SYCN: variants seen among roughly 807,000 people sequenced by gnomAD.
SYCN encodes insulin synthesis associated 1.
A neutral mutation model predicts 12.6 loss-of-function variants in SYCN; 16 were observed. That is an observed-to-expected ratio of 1.27 (90% CI 0.86 to 1.92). The LOEUF (loss-of-function observed/expected upper bound fraction) is 1.92, where lower values mean the gene tolerates loss of function less well. SYCN is among the 30% of genes most tolerant of loss of function. SYCN has a pLI of 0.00. For synonymous variants in SYCN, 97 were observed against 88.4 expected (o/e 1.10, Z -0.55); for missense variants, 226 against 181.8 (o/e 1.24, Z -1.40).
Position 39,203,003 on chromosome 19 carries a change from T to C in SYCN, c.396-7A>G. ...AGCAATGCATCAGCTGCACCTGAAATGTAATCAAGAATTCCTTCCAGGGGC... is the reference window on the plus strand; with the variant it reads ...AGCAATGCATCAGCTGCACCTGAAACGTAATCAAGAATTCCTTCCAGGGGC... On this transcript the variant is annotated splice_region_variant and splice_polypyrimidine_tract_variant and intron_variant, in intron 1 of 1. Coordinates refer to ENST00000318438, the MANE Select transcript of SYCN (RefSeq NM_001080468.4). 1 of 1,573,424 alleles carries C rather than the reference T, an allele frequency of 6.4e-7. No homozygotes were observed. The highest frequency in any genetic ancestry group is 8.6e-7 in the Non-Finnish European group (1 of 1,159,902).
rs2074798496 is a variant in SYCN at position 39,203,866 on chromosome 19, T to C, written c.389A>G (p.Tyr130Cys). 1.3e-6 allele frequency: 2 copies of C among 1,589,920 alleles called. No homozygotes were observed. The highest frequency in any genetic ancestry group is 1.3e-5 in the African/African-American group (1 of 74,556). ...GDWSNAISAL[Y>C]CRCS The stretch of plus-strand genomic sequence containing the variant: ...GCTTTGGGCGGCCGGGCACCTGCAG[T>C]AGAGCGCGGAGATAGCGTTGGACCA... Residue 130 changes from tyrosine (Y) to cysteine (C), a missense_variant, in exon 1 of 2, where the codon TAC becomes TGC. By Grantham distance (194) the Tyr-to-Cys change is radical (BLOSUM62 -2). Transcript: ENST00000318438.
At position 39,204,172 on chromosome 19, in the gene SYCN, T is replaced by C. The variant is rs966126045; in HGVS notation, c.83A>G (p.Asp28Gly). 1.2e-6 allele frequency: 2 copies of C among 1,611,966 alleles called. No individual in the cohort carries two copies. Among genetic ancestry groups the C allele is most frequent in the African/African-American group, 2.7e-5 (2 of 75,010 alleles). ...CAQGACPASA[D>G]LKHSDGTRTC... is the part of the protein sequence containing the mutation. ...GCGCGTCCCGTCCGAGTGCTTGAGG[T>C]CGGCGGAGGCGGGGCAGGCGCCCTG... The change falls in exon 1 of 2, where the codon GAC (aspartate) becomes GGC (glycine). Residue 28 changes from aspartate (D) to glycine (G), a missense_variant. By Grantham distance (94) the Asp-to-Gly change is moderately conservative. Coordinates refer to ENST00000318438, the MANE Select transcript of SYCN (RefSeq NM_001080468.4).
chr19:39,203,790 G>T lies in SYCN; in HGVS notation c.395+70C>A. The T allele has an allele frequency of 2.7e-6, 4 of 1,485,300 alleles. No individual in the cohort carries two copies. The East Asian group carries it at 9.4e-5, about 35-fold the overall frequency. The allele number at this position is 1,485,300 out of a possible 1,614,324, so 92.0% of individuals were successfully genotyped here. A position where few individuals can be genotyped will look rare whatever the true frequency, so the allele number is the denominator to read the frequency against. ...GGAGCAGCCTCGGGGCTTGGGTGGT[G>T]GGTGTGGGGGCTTATGCGGAGCTGG... On this transcript the variant is annotated intron_variant, in intron 1 of 1. Coordinates refer to ENST00000318438, the MANE Select transcript of SYCN (RefSeq NM_001080468.4).
In SYCN at chr19:39,202,908, C is replaced by T; in HGVS notation, c.*79G>A. The T allele has an allele frequency of 6.5e-7, 1 of 1,536,964 alleles. No individual in the cohort carries two copies. The highest frequency in any genetic ancestry group is 8.8e-7 in the Non-Finnish European group (1 of 1,139,706). On this transcript the variant is annotated 3_prime_UTR_variant, in exon 2 of 2. Coordinates refer to ENST00000318438, the MANE Select transcript of SYCN (RefSeq NM_001080468.4). ...CGCTCCTCCTCCTGGGTCTTGGGGC[C>T]CCGGAGCAGAGCCCAGGGATGGGCT...
In SYCN at chr19:39,203,912, G is replaced by T. The variant is rs2074798905; in HGVS notation, c.343C>A (p.Arg115Ser). The T allele has an allele frequency of 3.1e-6, 5 of 1,611,872 alleles. No individual in the cohort carries two copies. The highest frequency in any genetic ancestry group is 1.7e-5 in the Admixed American group (1 of 59,746). ...AGTYPRLEEYRRGILGDWSNA... is the reference protein window; with the variant it reads ...AGTYPRLEEYSRGILGDWSNA... ...GACCAGTCTCCTAAGATGCCCCGGC[G>T]GTACTCCTCCAGGCGCGGGTAGGTG... Residue 115 changes from arginine to serine, a missense_variant, in exon 1 of 2, where the codon CGC becomes AGC. Physicochemically the swap from Arg to Ser is moderately radical, Grantham distance 110. Transcript: ENST00000318438.
chr19:39,203,751 G>A, intron 1 of SYCN, 109 bp downstream of exon 1: 2 of 1,302,570 alleles, frequency 1.5e-6, no homozygotes, highest in Admixed American at 2.9e-5. Context: ...TTACAGTCGG[G>A]AGCTCAGGGG....
chr19:39,204,073 T>G lies in SYCN; in HGVS notation c.182A>C (p.Glu61Ala). The part of the protein sequence containing the change: ...NCCGGAELSL[E>A]SGADLPYLPS... ...CAGGTAGGGCAGGTCTGCGCCCGAC[T>G]CCAGCGACAGCTCGGCGCCCCCGCA... Residue 61 changes from glutamate (E) to alanine (A), a missense_variant, in exon 1 of 2, where the codon GAG becomes GCG. Physicochemically the swap from Glu to Ala is moderately radical, Grantham distance 107 (BLOSUM62 -1). Coordinates refer to ENST00000318438, the MANE Select transcript of SYCN (RefSeq NM_001080468.4). 6.2e-7 allele frequency: 1 copy of G among 1,612,988 alleles called. No individual in the cohort carries two copies. The highest frequency in any genetic ancestry group is 1.1e-5 in the South Asian group (1 of 91,052).
chr19:39,203,104 C>T, intron 1 of SYCN, 108 bp from the exon 2 acceptor site: 1 of 1,195,628 alleles, frequency 8.4e-7, no homozygotes, highest in Non-Finnish European at 1.2e-6. Flanking sequence ...GTCTGAGGCT[C>T]CAAGTTCAGG....
intron 1 of SYCN, among the ~76,000 whole-genome samples, chr19:39,203,507 C>A (rs796446268): frequency 8.5e-5 from 13 of 152,060 alleles, no homozygotes; most frequent in African/African-American, 3.1e-4. Flanking sequence ...CCAGAATTAG[C>A]CAGCCCTCTC....
At chr19:39,203,785 G>C (rs1049394679) in intron 1 of SYCN, 75 bp downstream of exon 1, 1 of 1,477,342 alleles carries the variant, frequency 6.8e-7, no homozygotes, top group African/African-American at 1.4e-5. Context: ...CGGGGCTTGG[G>C]TGGTGGGTGT....
intron 1 of SYCN, 132 bp downstream of exon 1, chr19:39,203,728 C>A: frequency 8.9e-7 from 1 of 1,124,344 alleles, no homozygotes; most frequent in Non-Finnish European, 1.2e-6. Context: ...CTAGGGAGGC[C>A]TGGTGCTCCC....
At chr19:39,203,732 TG>T in intron 1 of SYCN, 127 bp downstream of exon 1, 1 of 1,140,578 alleles carries the variant, frequency 8.8e-7, no homozygotes, top group Non-Finnish European at 1.2e-6. Context: ...GGAGGCCTGG[TG>T]CTCCCTGTTA....
chr19:39,202,839 C>A lies in SYCN; in HGVS notation c.*148G>T. Reference sequence around the variant, plus strand: ...AGCAGATGACAGACGGGGACAACTGCACAAAGGCTGTATTGCAGGGGAGGT... The same window carrying A: ...AGCAGATGACAGACGGGGACAACTGAACAAAGGCTGTATTGCAGGGGAGGT... On this transcript the variant is annotated 3_prime_UTR_variant, in exon 2 of 2. Transcript: ENST00000318438. 1.3e-6 allele frequency: 1 copy of A among 789,636 alleles called. No homozygotes were observed. The highest frequency in any genetic ancestry group is 1.6e-5 in the South Asian group (1 of 62,554). The allele number at this position is 789,636 out of a possible 1,614,324, so 48.9% of individuals were successfully genotyped here.
intron 1 of SYCN, 73 bp from the exon 2 acceptor site, chr19:39,203,069 A>T (rs1162530726): frequency 1.3e-6 from 2 of 1,501,326 alleles, no homozygotes; most frequent in East Asian, 2.5e-5. Flanking sequence ...GAAGCCTGAG[A>T]CTGGGTGGGG....
chr19:39,203,748 C>T lies in SYCN; in HGVS notation c.395+112G>A, dbSNP rs1384503703. 7.9e-6 allele frequency: 10 copies of T among 1,271,372 alleles called. No individual in the cohort carries two copies. The Admixed American group carries it at 1.8e-4, about 23-fold the overall frequency. The allele number at this position is 1,271,372 out of a possible 1,614,324, so 78.8% of individuals were successfully genotyped here. A position where few individuals can be genotyped will look rare whatever the true frequency, so the allele number is the denominator to read the frequency against. ...GAGGCCTGGTGCTCCCTGTTACAGT[C>T]GGGAGCTCAGGGGTGTGGAGCAGCC... On this transcript the variant is annotated intron_variant, in intron 1 of 1. Transcript: ENST00000318438.
At position 39,204,081 on chromosome 19, in the gene SYCN, C is replaced by A; in HGVS notation, c.174G>T (p.Leu58=). The change falls in exon 1 of 2, where the codon CTG becomes CTT. Residue 58 remains leucine (L), a synonymous_variant. Coordinates refer to ENST00000318438, the MANE Select transcript of SYCN (RefSeq NM_001080468.4). ...GCAGGTCTGCGCCCGACTCCAGCGA[C>A]AGCTCGGCGCCCCCGCAGCAGTTCT... ...YYENCCGGAE[L]SLESGADLPY... 4 of 1,613,036 alleles carry A rather than the reference C, an allele frequency of 2.5e-6. No individual in the cohort carries two copies. The highest frequency in any genetic ancestry group is 3.4e-6 in the Non-Finnish European group (4 of 1,179,576).
rs893463511 is a variant in SYCN, at chr19:39,203,795, T to C, written c.395+65A>G. Reference sequence around the variant, plus strand: ...AGCCTCGGGGCTTGGGTGGTGGGTGTGGGGGCTTATGCGGAGCTGGGGCCT... The same window carrying C: ...AGCCTCGGGGCTTGGGTGGTGGGTGCGGGGGCTTATGCGGAGCTGGGGCCT... On this transcript the variant is annotated intron_variant, in intron 1 of 1. Transcript: ENST00000318438. 12 of 1,497,324 alleles carry C rather than the reference T, an allele frequency of 8.0e-6. No individual in the cohort carries two copies. In the African/African-American group the frequency reaches 1.7e-4, roughly 22 times the overall value. 92.8% of individuals were successfully genotyped at this position (1,497,324 alleles called of 1,614,324 possible).
chr19:39,204,160 G>C lies in SYCN; in HGVS notation c.95C>G (p.Ser32Trp). 3.1e-6 allele frequency: 5 copies of C among 1,612,490 alleles called. No homozygotes were observed. Among genetic ancestry groups the C allele is most frequent in the Non-Finnish European group, 4.2e-6 (5 of 1,179,654 alleles). Reference protein sequence around the residue: ...ACPASADLKHSDGTRTCAKLY... With the variant: ...ACPASADLKHWDGTRTCAKLY... ...CTTGGCGCAAGTGCGCGTCCCGTCCGAGTGCTTGAGGTCGGCGGAGGCGGG... is the reference window on the plus strand; with the variant it reads ...CTTGGCGCAAGTGCGCGTCCCGTCCCAGTGCTTGAGGTCGGCGGAGGCGGG... Residue 32 changes from serine to tryptophan, a missense_variant, in exon 1 of 2, where the codon TCG becomes TGG. Transcript: ENST00000318438.
Position 39,204,158 on chromosome 19 carries a change from CCGA to C in SYCN, c.94_96del (p.Ser32del). The C allele has an allele frequency of 1.2e-6, 2 of 1,612,546 alleles. No individual in the cohort carries two copies. Among genetic ancestry groups the C allele is most frequent in the Non-Finnish European group, 1.7e-6 (2 of 1,179,660 alleles). ...AGCTTGGCGCAAGTGCGCGTCCCGTCCGAGTGCTTGAGGTCGGCGGAGGCGGGG... is the reference window on the plus strand; with the variant it reads ...AGCTTGGCGCAAGTGCGCGTCCCGTCGTGCTTGAGGTCGGCGGAGGCGGGG... On this transcript the variant is annotated inframe_deletion, in exon 1 of 2. Coordinates refer to ENST00000318438, the MANE Select transcript of SYCN (RefSeq NM_001080468.4).
Sources: allele counts gnomAD v4.1 joint callset (sites outside exome capture counted in the v4.1 genomes callset), GRCh38; gene constraint gnomAD v4.1.1; transcripts MANE v1.5; gene names NCBI Gene and HGNC (gene_info 2026-07-23, HGNC 2026-07-21).